Variants in PINX1 observed in about 807,000 individuals in gnomAD.
PINX1 encodes the protein PIN2 (TERF1) interacting telomerase inhibitor 1, also known as PIN2/TERF1-interacting telomerase inhibitor 1.
A neutral mutation model predicts 25.4 loss-of-function variants in PINX1; 34 were observed. The ratio of observed to expected loss-of-function variants is 1.34; its 90% CI spans 1.02 to 1.78. The LOEUF (loss-of-function observed/expected upper bound fraction) is 1.78, where lower values mean the gene tolerates loss of function less well. Ranked by LOEUF, PINX1 falls within the 40% of genes most tolerant of loss-of-function variation. PINX1 has a pLI of 0.00. For missense variants in PINX1, 592 were observed against 404.9 expected (o/e 1.46, Z -3.97); for synonymous variants, 197 against 147.7 (o/e 1.33, Z -2.42).
At chr8:10,802,537 C>T (rs115303492) in intron 6 of PINX1, among the ~76,000 whole-genome samples, 2 of 152,190 alleles carry the variant, frequency 1.3e-5, no homozygotes, top group Non-Finnish European at 2.9e-5. Context: ...TATCTCTTTG[C>T]CAGAATCCAG....
At chr8:10,788,965 C>A (rs1801836876) in intron 6 of PINX1, among the ~76,000 whole-genome samples, 1 of 129,864 alleles carries the variant, frequency 7.7e-6, no homozygotes, top group Non-Finnish European at 1.5e-5. Flanking sequence ...AATACCAGAA[C>A]TGAGGAGCTC....
intron 6 of PINX1, among the ~76,000 whole-genome samples, chr8:10,809,678 A>C (rs372234072): frequency 5.7e-4 from 87 of 152,370 alleles, no homozygotes; most frequent in Middle Eastern, 3.4e-3. Context: ...AGATAGGAAC[A>C]TTCACACATC....
intron 6 of PINX1, among the ~76,000 whole-genome samples, chr8:10,795,337 G>C (rs947221260): frequency 1.3e-5 from 2 of 152,090 alleles, no homozygotes; most frequent in East Asian, 3.8e-4. Flanking sequence ...AAGCAGAAAG[G>C]GTCCTTTCTA....
At chr8:10,777,632 T>C (rs1006725929) in intron 6 of PINX1, among the ~76,000 whole-genome samples, 1 of 152,176 alleles carries the variant, frequency 6.6e-6, no homozygotes, top group Admixed American at 6.5e-5. Context: ...AGGTTCTTCG[T>C]GTATCTTAAA....
intron 6 of PINX1, among the ~76,000 whole-genome samples, chr8:10,804,138 T>A (rs1333268113): frequency 6.6e-6 from 1 of 152,152 alleles, no homozygotes; most frequent in Admixed American, 6.5e-5. Flanking sequence ...AAGGACAGCA[T>A]GCCAGGCAGC....
chr8:10,782,139 G>T (rs1264001875), intron 6 of PINX1, among the ~76,000 whole-genome samples: 1 of 152,168 alleles, frequency 6.6e-6, no homozygotes, highest in Non-Finnish European at 1.5e-5. Context: ...TAGAAATAGA[G>T]AGTAAGATAA....
chr8:10,784,339 C>A (rs1272789814), intron 6 of PINX1, among the ~76,000 whole-genome samples: 1 of 152,208 alleles, frequency 6.6e-6, no homozygotes, highest in South Asian at 2.1e-4. Flanking sequence ...TAAGCAGGCA[C>A]ACAAATCCAA....
At chr8:10,821,292 AAT>A (rs1375801472) in intron 5 of PINX1, among the ~76,000 whole-genome samples, 1 of 152,242 alleles carries the variant, frequency 6.6e-6, no homozygotes, top group Non-Finnish European at 1.5e-5. Context: ...GGGGCACTTA[AAT>A]ATGATATTGC....
intron 6 of PINX1, among the ~76,000 whole-genome samples, chr8:10,773,902 C>T (rs1181014874): frequency 6.6e-6 from 1 of 152,228 alleles, no homozygotes; most frequent in Non-Finnish European, 1.5e-5. Flanking sequence ...TTTCCCGACA[C>T]ACTGGCCATG....
intron 6 of PINX1, among the ~76,000 whole-genome samples, chr8:10,777,675 T>TA (rs918349907): frequency 6.6e-6 from 1 of 152,166 alleles, no homozygotes; most frequent in South Asian, 2.1e-4. Flanking sequence ...GCCTTTTTTT[T>TA]AAAAAACACA....
chr8:10,809,865 T>C (rs1440749780), intron 6 of PINX1, among the ~76,000 whole-genome samples: 1 of 152,200 alleles, frequency 6.6e-6, no homozygotes, highest in Non-Finnish European at 1.5e-5. Context: ...TATAAAGAAA[T>C]ACGTGAGGCT....
At chr8:10,770,350 G>A (rs7826189) in intron 6 of PINX1, among the ~76,000 whole-genome samples, 65,208 of 152,138 alleles carry the variant, frequency 0.43, 14,243 homozygotes, top group Middle Eastern at 0.47. Flanking sequence ...TCACTGAGGA[G>A]AAAACAAAGA....
rs1800985749 is a variant in PINX1, at chr8:10,765,083, T to TGCACACAC, written c.*310_*317dup. 1 of 284,784 alleles carries TGCACACAC rather than the reference T, an allele frequency of 3.5e-6. No individual in the cohort carries two copies. The highest frequency in any genetic ancestry group is 4.8e-5 in the Admixed American group (1 of 20,914). 17.6% of individuals were successfully genotyped at this position (284,784 alleles called of 1,614,324 possible). ...ACACACACACACACAGATGCGCACATGCACACACACGTGTGCACACTTACA... is the reference window on the plus strand; with the variant it reads ...ACACACACACACACAGATGCGCACATGCACACACGCACACACACGTGTGCACACTTACA... On this transcript the variant is annotated 3_prime_UTR_variant, in exon 7 of 7. Coordinates refer to ENST00000314787, the MANE Select transcript of PINX1 (RefSeq NM_017884.6).
intron 4 of PINX1, among the ~76,000 whole-genome samples, chr8:10,827,139 G>A (rs958944269): frequency 4.6e-5 from 7 of 152,138 alleles, no homozygotes; most frequent in African/African-American, 1.4e-4. Flanking sequence ...AGGACTCTCT[G>A]AATTATTTTG....
At chr8:10,766,401 G>A (rs1433425022) in intron 6 of PINX1, among the ~76,000 whole-genome samples, 1 of 152,154 alleles carries the variant, frequency 6.6e-6, no homozygotes, top group Non-Finnish European at 1.5e-5. Context: ...ACGCCATCTG[G>A]ATAGGTTAAC....
At chr8:10,813,248 G>C (rs1272869547) in intron 6 of PINX1, among the ~76,000 whole-genome samples, 4 of 152,144 alleles carry the variant, frequency 2.6e-5, no homozygotes, top group Non-Finnish European at 5.9e-5. Context: ...TAGAGCGATA[G>C]GTGCAGGAAG....
At chr8:10,800,802 AG>A (rs1163741318) in intron 6 of PINX1, among the ~76,000 whole-genome samples, 9 of 152,304 alleles carry the variant, frequency 5.9e-5, no homozygotes, top group African/African-American at 2.2e-4. Context: ...ATGTTACACT[AG>A]CCCCAAATGA....
chr8:10,765,865 C>T lies in PINX1; in HGVS notation c.523G>A (p.Ala175Thr), dbSNP rs750737817. 18 of 1,613,772 alleles carry T rather than the reference C, an allele frequency of 1.1e-5. No homozygotes were observed. Among genetic ancestry groups the T allele is most frequent in the African/African-American group, 4.0e-5 (3 of 74,908 alleles). The stretch of plus-strand genomic sequence containing the variant: ...GCAAAGTACTCCTGGATGGTGAAGG[C>T]GCTGGTTGTCGTGGTTTCGTTCTCC... ...PEENETTTTSAFTIQEYFAKR... is the reference protein window; with the variant it reads ...PEENETTTTSTFTIQEYFAKR... The change falls in exon 7 of 7, where the codon GCC becomes ACC. Residue 175 changes from alanine (A) to threonine (T), a missense_variant. Ala to Thr is a moderately conservative substitution (Grantham distance 58, BLOSUM62 0). Coordinates refer to ENST00000314787, the MANE Select transcript of PINX1 (RefSeq NM_017884.6).
At chr8:10,819,835 G>C (rs1251526014) in intron 6 of PINX1, among the ~76,000 whole-genome samples, 1 of 152,160 alleles carries the variant, frequency 6.6e-6, no homozygotes, top group Non-Finnish European at 1.5e-5. Context: ...GAGTAATGCA[G>C]TTTGAGCAGA....
Sources: gnomAD v4.1 joint callset for allele counts (sites outside exome capture counted in the v4.1 genomes callset) on GRCh38, gnomAD v4.1.1 for gene constraint, MANE v1.5 for transcripts, NCBI Gene and HGNC (gene_info 2026-07-23, HGNC 2026-07-21) for gene names.